The following NOS1AP variants were observed in gnomAD, a reference collection of about 807,000 sequenced individuals.
NOS1AP encodes the protein nitric oxide synthase 1 adaptor protein, also known as carboxyl-terminal PDZ ligand of neuronal nitric oxide synthase protein.
A neutral mutation model predicts 56.2 loss-of-function variants in NOS1AP; 21 were observed. The ratio of observed to expected loss-of-function variants is 0.37; its 90% CI spans 0.26 to 0.54. NOS1AP has a LOEUF of 0.54. NOS1AP is among the 20% of genes least tolerant of loss of function. The pLI is 0.84. For missense variants in NOS1AP, 522 were observed against 657.8 expected, an observed-to-expected ratio of 0.79 and a Z score of 2.26; for synonymous variants, 270 against 274.6, an observed-to-expected ratio of 0.98 and a Z score of 0.17.
At chr1:162,289,491 T>C (rs1655215921) in intron 3 of NOS1AP, among the ~76,000 whole-genome samples, 1 of 120,884 alleles carries the variant, frequency 8.3e-6, no homozygotes, top group Non-Finnish European at 1.7e-5. Context: ...TTTTTTTTTT[T>C]TGAGACGGAG....
At chr1:162,363,852 G>T in intron 8 of NOS1AP, 14 of 985,388 alleles carry the variant, frequency 1.4e-5, no homozygotes, top group Non-Finnish European at 1.7e-5. Flanking sequence ...CAAAATATCA[G>T]TTCTGTCCTT....
intron 2 of NOS1AP, among the ~76,000 whole-genome samples, chr1:162,212,561 G>A (rs1436677441): frequency 1.3e-5 from 2 of 152,252 alleles, no homozygotes; most frequent in Admixed American, 6.5e-5. Context: ...ACCCCAGTCT[G>A]GTAATAGGTG....
At chr1:162,348,587 A>C (rs1290352866) in intron 6 of NOS1AP, among the ~76,000 whole-genome samples, 3 of 152,204 alleles carry the variant, frequency 2.0e-5, no homozygotes, top group African/African-American at 7.2e-5. Flanking sequence ...TTGATATTCT[A>C]TGTGAAGAAA....
At chr1:162,366,979 G>T (rs1254952403) in intron 9 of NOS1AP, 73 bp from the exon 10 acceptor site, 2 of 1,579,316 alleles carry the variant, frequency 1.3e-6, no homozygotes, top group Non-Finnish European at 1.7e-6. Flanking sequence ...GCACGGGCGG[G>T]CAGAAGGCGG....
intron 6 of NOS1AP, among the ~76,000 whole-genome samples, chr1:162,352,449 T>G (rs1657545550): frequency 6.6e-6 from 1 of 152,234 alleles, no homozygotes; most frequent in East Asian, 1.9e-4. Context: ...ATTCCATGAT[T>G]TCAACTAAAG....
chr1:162,100,466 T>A (rs1236484273), intron 1 of NOS1AP, among the ~76,000 whole-genome samples: 3 of 152,228 alleles, frequency 2.0e-5, no homozygotes, highest in Non-Finnish European at 4.4e-5. Context: ...CCTCACCCAC[T>A]TTTTGATGGG....
chr1:162,156,474 G>A (rs773481302), intron 2 of NOS1AP, among the ~76,000 whole-genome samples: 8 of 152,098 alleles, frequency 5.3e-5, no homozygotes, highest in Non-Finnish European at 1.2e-4. Flanking sequence ...CAGAGGCCTC[G>A]GCTGGGGAAC....
At chr1:162,316,603 G>T (rs1656239377) in intron 4 of NOS1AP, among the ~76,000 whole-genome samples, 1 of 152,206 alleles carries the variant, frequency 6.6e-6, no homozygotes. Context: ...TTTCACCTGG[G>T]TGCAGGCAGA....
At chr1:162,157,644 C>T (rs1201992347) in intron 2 of NOS1AP, among the ~76,000 whole-genome samples, 2 of 152,178 alleles carry the variant, frequency 1.3e-5, no homozygotes, top group African/African-American at 2.4e-5. Context: ...TGATAAGGAT[C>T]ACATGTGTGT....
intron 6 of NOS1AP, 47 bp downstream of exon 6, chr1:162,344,023 C>T: frequency 6.2e-7 from 1 of 1,607,772 alleles, no homozygotes. Flanking sequence ...GCAGTGCACA[C>T]AGTAGGCTCT....
At chr1:162,317,574 C>A (rs1000259364) in intron 4 of NOS1AP, among the ~76,000 whole-genome samples, 1 of 152,110 alleles carries the variant, frequency 6.6e-6, no homozygotes, top group African/African-American at 2.4e-5. Flanking sequence ...AGAGAGACTG[C>A]AAGACTCATA....
chr1:162,128,047 G>A (rs1284048782), intron 1 of NOS1AP, among the ~76,000 whole-genome samples: 1 of 151,810 alleles, frequency 6.6e-6, no homozygotes, highest in East Asian at 1.9e-4. Flanking sequence ...AATCTCTTAT[G>A]TTAATGCTTC....
At chr1:162,267,581 T>C (rs1054643259) in intron 2 of NOS1AP, among the ~76,000 whole-genome samples, 2 of 133,846 alleles carry the variant, frequency 1.5e-5, no homozygotes, top group African/African-American at 2.9e-5. Flanking sequence ...CTGGGCAACA[T>C]AGACCCTGTC....
chr1:162,269,695 T>C (rs192723393), intron 2 of NOS1AP, among the ~76,000 whole-genome samples: 1 of 152,322 alleles, frequency 6.6e-6, no homozygotes, highest in Admixed American at 6.5e-5. Flanking sequence ...GGGCTCAGAA[T>C]GTGATGATTG....
chr1:162,108,626 G>A (rs1199534781), intron 1 of NOS1AP, among the ~76,000 whole-genome samples: 1 of 152,030 alleles, frequency 6.6e-6, no homozygotes, highest in East Asian at 1.9e-4. Flanking sequence ...CATGGATCTA[G>A]GCAATGATCA....
At chr1:162,177,571 T>A (rs1486361046) in intron 2 of NOS1AP, among the ~76,000 whole-genome samples, 1 of 152,242 alleles carries the variant, frequency 6.6e-6, no homozygotes, top group Non-Finnish European at 1.5e-5. Flanking sequence ...CTCTCTGACC[T>A]GTAGTTATAT....
At chr1:162,324,646 C>G (rs1233674163) in intron 4 of NOS1AP, among the ~76,000 whole-genome samples, 1 of 152,050 alleles carries the variant, frequency 6.6e-6, no homozygotes, top group Non-Finnish European at 1.5e-5. Flanking sequence ...GCTAGACTTT[C>G]AGAAGATAAA....
intron 1 of NOS1AP, among the ~76,000 whole-genome samples, chr1:162,129,145 G>C (rs186198212): frequency 4.3e-4 from 66 of 152,190 alleles, no homozygotes; most frequent in Non-Finnish European, 1.2e-4. Flanking sequence ...TGGTACCTGT[G>C]TTTTCTGTGT....
At chr1:162,193,754 A>G (rs749660881) in intron 2 of NOS1AP, among the ~76,000 whole-genome samples, 1 of 152,196 alleles carries the variant, frequency 6.6e-6, no homozygotes. Context: ...ATCAAGCTAG[A>G]TCTTTCCTAT....
Sources: gnomAD v4.1 joint callset for allele counts (sites outside exome capture counted in the v4.1 genomes callset) on GRCh38, gnomAD v4.1.1 for gene constraint, MANE v1.5 for transcripts, NCBI Gene and HGNC (gene_info 2026-07-23, HGNC 2026-07-21) for gene names.